The following PDE8B variants were observed in gnomAD, a reference collection of about 807,000 sequenced individuals.
The protein encoded by PDE8B is high affinity cAMP-specific and IBMX-insensitive 3',5'-cyclic phosphodiesterase 8B.
PDE8B carries 26 observed loss-of-function variants against 101.3 expected under a neutral mutation model. The observed-to-expected ratio is 0.26, with a 90% CI of 0.19 to 0.36. The LOEUF (loss-of-function observed/expected upper bound fraction) is 0.36. Among genes scored for constraint, PDE8B ranks in the 10% least tolerant of loss-of-function variants. The probability of loss-of-function intolerance (pLI) is 1.00; values close to 1 mark genes in which losing one functional copy is unlikely to be tolerated. For synonymous variants in PDE8B, 424 were observed against 429.3 expected, an observed-to-expected ratio of 0.99 and a Z score of 0.15; for missense variants, 810 against 1,163.1, an observed-to-expected ratio of 0.70 and a Z score of 4.42.
chr5:77,311,340 T>C (rs1435317194), intron 1 of PDE8B, among the ~76,000 whole-genome samples: 1 of 152,252 alleles, frequency 6.6e-6, no homozygotes, highest in Middle Eastern at 3.2e-3. Context: ...TGAAGAGCCC[T>C]ATGCTCACTC....
chr5:77,398,203 A>G (rs959417537), intron 10 of PDE8B, among the ~76,000 whole-genome samples: 1 of 151,850 alleles, frequency 6.6e-6, no homozygotes, highest in Admixed American at 6.6e-5. Context: ...GCCTTAATAC[A>G]TATGTAAACA....
chr5:77,159,791 G>A, the PDE8B span, among the ~76,000 whole-genome samples: 20 of 152,172 alleles, frequency 1.3e-4, no homozygotes, highest in African/African-American at 3.9e-4. Flanking sequence ...TTAGCCTGGA[G>A]CCTGCCTAGG....
intron 2 of PDE8B, among the ~76,000 whole-genome samples, chr5:77,319,509 A>G (rs1370577216): frequency 1.3e-5 from 2 of 152,364 alleles, no homozygotes; most frequent in Middle Eastern, 3.4e-3. Flanking sequence ...TGAAAGTGCA[A>G]TGAAGAGATG....
At chr5:77,304,894 A>C (rs2150065543) in intron 1 of PDE8B, among the ~76,000 whole-genome samples, 1 of 152,270 alleles carries the variant, frequency 6.6e-6, no homozygotes, top group South Asian at 2.1e-4. Flanking sequence ...TCTGGAAAAA[A>C]CCAGTGGAGG....
intron 1 of PDE8B, among the ~76,000 whole-genome samples, chr5:77,300,837 G>A (rs1769757006): frequency 6.6e-6 from 1 of 152,168 alleles, no homozygotes; most frequent in Non-Finnish European, 1.5e-5. Context: ...GGATGTTAAT[G>A]GTGCTTTTTA....
At chr5:77,340,600 AGTGTGTGTGTGTGTGTGTGT>A (rs34764404) in intron 6 of PDE8B, among the ~76,000 whole-genome samples, 3 of 140,078 alleles carry the variant, frequency 2.1e-5, no homozygotes, top group African/African-American at 7.9e-5. Context: ...GCAGCCTCAC[AGTGTGTGTGTGTGTGTGTGT>A]GTGTGTGTGT....
chr5:77,388,026 C>G (rs1008838464), intron 10 of PDE8B, among the ~76,000 whole-genome samples: 1 of 152,098 alleles, frequency 6.6e-6, no homozygotes, highest in African/African-American at 2.4e-5. Context: ...AGAACATGCT[C>G]CTTTAGCTCG....
chr5:77,139,428 A>G, the PDE8B span: 1 of 152,242 alleles, frequency 6.6e-6, no homozygotes, highest in Admixed American at 6.5e-5. Flanking sequence ...AATCCACTAA[A>G]TGCTGGGATG....
At chr5:77,153,973 T>A in the PDE8B span, among the ~76,000 whole-genome samples, 1 of 152,228 alleles carries the variant, frequency 6.6e-6, no homozygotes, top group African/African-American at 2.4e-5. Context: ...TTTGACTTGA[T>A]AAATTTCCAA....
At chr5:77,400,189 T>C in intron 10 of PDE8B, 59 bp from the exon 11 acceptor site, 2 of 1,143,964 alleles carry the variant, frequency 1.7e-6, no homozygotes, top group South Asian at 1.2e-5. Context: ...ATGAGAAATA[T>C]AGCAAATGGC....
At chr5:77,163,107 G>A in the PDE8B span, among the ~76,000 whole-genome samples, 2 of 152,074 alleles carry the variant, frequency 1.3e-5, no homozygotes, top group East Asian at 1.9e-4. Context: ...CCCATGAGGC[G>A]GGCATATAAA....
At chr5:77,386,861 G>GTTTTTTTTTTT (rs1467729020) in intron 10 of PDE8B, among the ~76,000 whole-genome samples, 2 of 105,484 alleles carry the variant, frequency 1.9e-5, no homozygotes, top group Admixed American at 1.0e-4. Context: ...AGTTGATGTA[G>GTTTTTTTTTTT]TTTCTTTTTT....
At chr5:77,246,575 G>A (rs912958658) in intron 1 of PDE8B, among the ~76,000 whole-genome samples, 1 of 152,142 alleles carries the variant, frequency 6.6e-6, no homozygotes, top group African/African-American at 2.4e-5. Context: ...TTCCAATTTC[G>A]GTGAACTTAA....
the PDE8B span, among the ~76,000 whole-genome samples, chr5:77,180,229 G>GA: frequency 6.6e-6 from 1 of 152,188 alleles, no homozygotes; most frequent in Non-Finnish European, 1.5e-5. Context: ...CCCGGGAGGG[G>GA]CGCTAGGACC....
chr5:77,362,147 G>A (rs951302087), intron 10 of PDE8B, among the ~76,000 whole-genome samples: 1 of 152,166 alleles, frequency 6.6e-6, no homozygotes, highest in African/African-American at 2.4e-5. Flanking sequence ...AGCAATAGAT[G>A]ATATATAAAT....
At chr5:77,168,297 T>C in the PDE8B span, among the ~76,000 whole-genome samples, 3 of 152,168 alleles carry the variant, frequency 2.0e-5, no homozygotes, top group Admixed American at 6.5e-5. Flanking sequence ...TGCCTGCTCT[T>C]CACTTGTGTC....
chr5:77,127,358 C>T, the PDE8B span, among the ~76,000 whole-genome samples: 2 of 152,070 alleles, frequency 1.3e-5, no homozygotes, highest in Admixed American at 1.3e-4. Context: ...CAGCATTTCC[C>T]CTGCTTACAC....
At position 77,386,865 on chromosome 5, in the gene PDE8B, C is replaced by CTTTTTTTTTTTTTTTTTTTT. The variant is rs59393259; in HGVS notation, c.1168-13373_1168-13354dup. The stretch of plus-strand genomic sequence containing the variant: ...TTTTGCCTGTTAGTTGATGTAGTTT[C>CTTTTTTTTTTTTTTTTTTTT]TTTTTTTTTTTTTTTTTTTTTTTTT... On this transcript the variant is annotated intron_variant, in intron 10 of 21. Transcript: ENST00000264917. Among the ~76,000 whole-genome samples the CTTTTTTTTTTTTTTTTTTTT allele has an allele frequency of 2.0e-4, 10 of 51,080 alleles. 4 individuals are homozygous for CTTTTTTTTTTTTTTTTTTTT. The highest frequency in any genetic ancestry group is 5.8e-4 in the Admixed American group (2 of 3,468). The allele number at this position is 51,080 out of a possible 152,430, so 33.5% of individuals were successfully genotyped here. A position where few individuals can be genotyped will look rare whatever the true frequency, so the allele number is the denominator to read the frequency against.
chr5:77,355,502 A>G (rs1252237386), intron 10 of PDE8B, among the ~76,000 whole-genome samples: 1 of 152,140 alleles, frequency 6.6e-6, no homozygotes, highest in African/African-American at 2.4e-5. Context: ...AAATCGGCCC[A>G]TGGGTTTGCA....
Sources: gnomAD v4.1 joint callset for allele counts (sites outside exome capture counted in the v4.1 genomes callset) on GRCh38, gnomAD v4.1.1 for gene constraint, MANE v1.5 for transcripts, NCBI Gene and HGNC (gene_info 2026-07-23, HGNC 2026-07-21) for gene names.